Variants in LINGO2 observed in about 807,000 individuals in gnomAD.
The protein encoded by LINGO2 is leucine rich repeat and Ig domain containing 2.
In LINGO2, 14 loss-of-function variants were observed where a neutral mutation model predicts 30.6. The observed-to-expected ratio is 0.46, with a 90% CI of 0.30 to 0.72. LINGO2 has a LOEUF of 0.72. LINGO2 is among the 30% of genes least tolerant of loss of function. The probability of loss-of-function intolerance (pLI) is 0.07; values close to 1 mark genes in which losing one functional copy is unlikely to be tolerated. For missense variants in LINGO2, 729 were observed against 751.7 expected (o/e 0.97, Z 0.35); for synonymous variants, 317 against 288.5 (o/e 1.10, Z -1.00).
chr9:28,940,971 C>T, the LINGO2 span, among the ~76,000 whole-genome samples: 1 of 149,990 alleles, frequency 6.7e-6, no homozygotes, highest in Non-Finnish European at 1.5e-5. Context: ...TTAAAAGGAA[C>T]ACTCATATTT....
At chr9:28,244,617 G>T (rs974570814) in intron 4 of LINGO2, among the ~76,000 whole-genome samples, 3 of 151,610 alleles carry the variant, frequency 2.0e-5, no homozygotes, top group Non-Finnish European at 2.9e-5. Flanking sequence ...ATGAATAAGG[G>T]GATATCATCA....
chr9:29,071,139 T>C, the LINGO2 span, among the ~76,000 whole-genome samples: 3 of 145,000 alleles, frequency 2.1e-5, no homozygotes, highest in East Asian at 4.1e-4. Context: ...ACATCTACAA[T>C]TGCATCACAG....
intron 5 of LINGO2, among the ~76,000 whole-genome samples, chr9:27,968,747 C>T (rs941355936): frequency 8.6e-5 from 13 of 151,806 alleles, no homozygotes; most frequent in African/African-American, 2.9e-4. Context: ...CTTGCTATAT[C>T]TTTAGTCAAT....
intron 4 of LINGO2, among the ~76,000 whole-genome samples, chr9:28,193,666 C>T (rs1819900926): frequency 6.6e-6 from 1 of 152,176 alleles, no homozygotes; most frequent in African/African-American, 2.4e-5. Context: ...TATAAGTCAC[C>T]TCCAAACTCG....
At chr9:28,642,737 T>C (rs1827651157) in intron 1 of LINGO2, among the ~76,000 whole-genome samples, 1 of 152,132 alleles carries the variant, frequency 6.6e-6, no homozygotes, top group African/African-American at 2.4e-5. Context: ...CTGCTTATTA[T>C]AGGGGTATAG....
At chr9:28,427,396 A>T (rs763626847) in intron 2 of LINGO2, among the ~76,000 whole-genome samples, 11 of 152,106 alleles carry the variant, frequency 7.2e-5, no homozygotes, top group Non-Finnish European at 1.2e-4. Context: ...TACTCAAACA[A>T]CTAGCTATTA....
intron 4 of LINGO2, among the ~76,000 whole-genome samples, chr9:28,264,718 C>T (rs1162620170): frequency 1.3e-5 from 2 of 151,930 alleles, no homozygotes; most frequent in Non-Finnish European, 2.9e-5. Flanking sequence ...AGTGGTACAG[C>T]TCTTCATCTA....
chr9:28,783,382 G>A, the LINGO2 span, among the ~76,000 whole-genome samples: 1 of 151,646 alleles, frequency 6.6e-6, no homozygotes, highest in African/African-American at 2.4e-5. Flanking sequence ...GTAAATAGTT[G>A]TTATACTATA....
chr9:29,193,882 G>T, the LINGO2 span, among the ~76,000 whole-genome samples: 5 of 152,178 alleles, frequency 3.3e-5, no homozygotes, highest in Non-Finnish European at 7.3e-5. Context: ...ATCCACTGAT[G>T]CCATGTAAAG....
At chr9:28,186,669 G>T (rs1232333414) in intron 4 of LINGO2, among the ~76,000 whole-genome samples, 1 of 152,026 alleles carries the variant, frequency 6.6e-6, no homozygotes, top group Non-Finnish European at 1.5e-5. Context: ...AAAATGTGAA[G>T]ACTTCAATGA....
chr9:28,483,068 CA>C (rs1826038679), intron 1 of LINGO2, among the ~76,000 whole-genome samples: 1 of 152,046 alleles, frequency 6.6e-6, no homozygotes, highest in Non-Finnish European at 1.5e-5. Flanking sequence ...ACAGGATTTG[CA>C]TTTCAAAACC....
At chr9:28,459,166 A>T (rs1249521400) in intron 2 of LINGO2, among the ~76,000 whole-genome samples, 1 of 152,112 alleles carries the variant, frequency 6.6e-6, no homozygotes, top group Non-Finnish European at 1.5e-5. Flanking sequence ...TAATGATATT[A>T]GTAAACTTCA....
At chr9:28,735,612 T>A in the LINGO2 span, among the ~76,000 whole-genome samples, 622 of 152,252 alleles carry the variant, frequency 4.1e-3, 8 homozygotes, top group African/African-American at 0.014. Flanking sequence ...ACAGCACATT[T>A]TTCCTAATAG....
intron 3 of LINGO2, among the ~76,000 whole-genome samples, chr9:28,361,745 T>A (rs1820453890): frequency 6.6e-6 from 1 of 152,222 alleles, no homozygotes; most frequent in South Asian, 2.1e-4. Flanking sequence ...TTTTTTTCCA[T>A]CCTTGTGACA....
chr9:28,330,522 T>A (rs1825380929), intron 3 of LINGO2, among the ~76,000 whole-genome samples: 1 of 152,170 alleles, frequency 6.6e-6, no homozygotes, highest in Non-Finnish European at 1.5e-5. Flanking sequence ...AATCTCCATA[T>A]CCCTAGACCC....
the LINGO2 span, among the ~76,000 whole-genome samples, chr9:28,834,459 A>G: frequency 2.6e-5 from 4 of 152,274 alleles, no homozygotes; most frequent in Non-Finnish European, 4.4e-5. Context: ...ATTCTATTGT[A>G]TTTCCAAATC....
chr9:28,043,423 TAGA>T (rs1450107034), intron 4 of LINGO2, among the ~76,000 whole-genome samples: 1 of 152,126 alleles, frequency 6.6e-6, no homozygotes, highest in African/African-American at 2.4e-5. Flanking sequence ...GTGTAGTATG[TAGA>T]AGGAGAGTAT....
the LINGO2 span, among the ~76,000 whole-genome samples, chr9:28,687,586 T>A: frequency 6.6e-6 from 1 of 152,056 alleles, no homozygotes; most frequent in Non-Finnish European, 1.5e-5. Context: ...TGAGTCAACA[T>A]ATGTAGGTCA....
chr9:28,826,826 T>C, the LINGO2 span, among the ~76,000 whole-genome samples: 3 of 152,174 alleles, frequency 2.0e-5, no homozygotes, highest in East Asian at 1.9e-4. Flanking sequence ...AGCTGCACGA[T>C]TGCAGTAAAG....
Sources: allele counts gnomAD v4.1 joint callset (sites outside exome capture counted in the v4.1 genomes callset), GRCh38; gene constraint gnomAD v4.1.1; transcripts MANE v1.5; gene names NCBI Gene and HGNC (gene_info 2026-07-23, HGNC 2026-07-21).